The following POFUT3 variants were observed in gnomAD, a reference collection of about 807,000 sequenced individuals.
POFUT3 encodes the protein protein O-fucosyltransferase 3.
chr8:33,422,640 T>C, the POFUT3 span, among the ~76,000 whole-genome samples: 2 of 150,596 alleles, frequency 1.3e-5, no homozygotes, highest in Non-Finnish European at 2.9e-5. Flanking sequence ...GAGACCTTGA[T>C]CTTATACTCA....
chr8:33,422,106 T>A, the POFUT3 span, among the ~76,000 whole-genome samples: 1 of 152,084 alleles, frequency 6.6e-6, no homozygotes, highest in African/African-American at 2.4e-5. Context: ...GAATGTATTT[T>A]CTTCCTCAGC....
chr8:33,322,250 C>T, the POFUT3 span, among the ~76,000 whole-genome samples: 1 of 152,058 alleles, frequency 6.6e-6, no homozygotes, highest in African/African-American at 2.4e-5. Context: ...CCCACTTTTT[C>T]TGCTGCAGCT....
the POFUT3 span, among the ~76,000 whole-genome samples, chr8:33,351,246 G>C: frequency 6.6e-6 from 1 of 152,192 alleles, no homozygotes; most frequent in African/African-American, 2.4e-5. Context: ...ACGAGCCACT[G>C]CACCAGGCCT....
the POFUT3 span, among the ~76,000 whole-genome samples, chr8:33,459,081 T>C: frequency 6.6e-6 from 1 of 152,170 alleles, no homozygotes; most frequent in African/African-American, 2.4e-5. Context: ...GACTCATGCC[T>C]GTAATCCCAG....
the POFUT3 span, chr8:33,436,433 T>C: frequency 4.2e-6 from 6 of 1,444,416 alleles, no homozygotes; most frequent in Non-Finnish European, 5.8e-6. Flanking sequence ...TCCTTATTGG[T>C]ACAGGTGGGA....
At chr8:33,366,324 G>C in the POFUT3 span, among the ~76,000 whole-genome samples, 1 of 152,076 alleles carries the variant, frequency 6.6e-6, no homozygotes, top group Non-Finnish European at 1.5e-5. Context: ...GTTGATGCGT[G>C]CAGCAAACCA....
chr8:33,437,618 C>G, the POFUT3 span, among the ~76,000 whole-genome samples: 4 of 152,000 alleles, frequency 2.6e-5, no homozygotes, highest in African/African-American at 9.7e-5. Flanking sequence ...TGAGACCAGC[C>G]TGGCCAACAG....
At chr8:33,420,468 T>G in the POFUT3 span, among the ~76,000 whole-genome samples, 1 of 152,188 alleles carries the variant, frequency 6.6e-6, no homozygotes, top group Non-Finnish European at 1.5e-5. Flanking sequence ...TGAAGCTAGA[T>G]GAAGACTAAA....
chr8:33,382,894 T>C, the POFUT3 span, among the ~76,000 whole-genome samples: 2 of 152,114 alleles, frequency 1.3e-5, no homozygotes, highest in East Asian at 3.9e-4. Context: ...CCTCACCTCC[T>C]TCCATGTGAC....
chr8:33,350,443 G>A, the POFUT3 span, among the ~76,000 whole-genome samples: 2 of 152,084 alleles, frequency 1.3e-5, no homozygotes, highest in Non-Finnish European at 2.9e-5. Flanking sequence ...GAAAATCCAC[G>A]GCCAGCTCCT....
the POFUT3 span, among the ~76,000 whole-genome samples, chr8:33,380,100 CTA>C: frequency 2.8e-4 from 17 of 59,948 alleles, 1 homozygote; most frequent in African/African-American, 1.8e-3. Flanking sequence ...TATATATACA[CTA>C]TATATATACT....
At chr8:33,318,438 A>G in the POFUT3 span, among the ~76,000 whole-genome samples, 3 of 143,256 alleles carry the variant, frequency 2.1e-5, no homozygotes, top group East Asian at 6.0e-4. Context: ...GTATATATGT[A>G]TTTATATGTG....
At chr8:33,469,921 G>A in the POFUT3 span, among the ~76,000 whole-genome samples, 24 of 140,034 alleles carry the variant, frequency 1.7e-4, no homozygotes, top group Non-Finnish European at 2.9e-4. Flanking sequence ...TCAGCCTCCC[G>A]AGTAGCTGGG....
the POFUT3 span, among the ~76,000 whole-genome samples, chr8:33,467,216 T>G: frequency 7.4e-4 from 98 of 131,612 alleles, no homozygotes; most frequent in African/African-American, 2.7e-3. Flanking sequence ...GAGGTTGCAG[T>G]GAGCCGAGAT....
chr8:33,316,996 A>ACC, the POFUT3 span, among the ~76,000 whole-genome samples: 8 of 151,474 alleles, frequency 5.3e-5, no homozygotes, highest in African/African-American at 1.9e-4. Flanking sequence ...CTGAGACAGA[A>ACC]CCCCCTCATC....
At chr8:33,369,170 C>T in the POFUT3 span, among the ~76,000 whole-genome samples, 1 of 152,188 alleles carries the variant, frequency 6.6e-6, no homozygotes, top group Non-Finnish European at 1.5e-5. Flanking sequence ...AAAGTGAACA[C>T]TAGCTCATCA....
the POFUT3 span, among the ~76,000 whole-genome samples, chr8:33,316,092 G>T: frequency 1.3e-5 from 2 of 152,120 alleles, no homozygotes; most frequent in South Asian, 2.1e-4. Flanking sequence ...AGGAGTGCAG[G>T]CTTGTTCATG....
the POFUT3 span, among the ~76,000 whole-genome samples, chr8:33,309,085 C>T: frequency 7.2e-6 from 1 of 139,396 alleles, no homozygotes; most frequent in African/African-American, 2.7e-5. Flanking sequence ...GACTCTGGAG[C>T]CCCGGCTGTT....
the POFUT3 span, among the ~76,000 whole-genome samples, chr8:33,407,800 T>G: frequency 2.0e-5 from 3 of 151,788 alleles, no homozygotes; most frequent in Non-Finnish European, 2.9e-5. Flanking sequence ...GTCAGGAGTT[T>G]GAGACCAGCC....
Sources: allele counts gnomAD v4.1 joint callset (sites outside exome capture counted in the v4.1 genomes callset), GRCh38; gene constraint gnomAD v4.1.1; transcripts MANE v1.5; gene names NCBI Gene and HGNC (gene_info 2026-07-23, HGNC 2026-07-21).